The following NDP variants were observed in gnomAD, a reference collection of about 807,000 sequenced individuals.
NDP encodes norrin cystine knot growth factor NDP.
A neutral mutation model predicts 8.4 loss-of-function variants in NDP; 2 were observed. That is an observed-to-expected ratio of 0.24 (90% CI 0.10 to 0.75). The LOEUF (loss-of-function observed/expected upper bound fraction) is 0.75, where lower values mean the gene tolerates loss of function less well. NDP is among the 30% of genes least tolerant of loss of function. The pLI, the probability that NDP is intolerant of heterozygous loss-of-function variation, is 0.73. For missense variants in NDP, 81 were observed against 110.1 expected, an observed-to-expected ratio of 0.74 and a Z score of 1.18; for synonymous variants, 55 against 45.6, an observed-to-expected ratio of 1.21 and a Z score of -0.83.
At chrX:43,963,429 G>A (rs780204930) in intron 1 of NDP, among the ~76,000 whole-genome samples, 1 of 111,639 alleles carries the variant, frequency 9.0e-6, no homozygotes, top group East Asian at 2.8e-4. Context: ...ACCAAGTTAA[G>A]CAAATAAAAT....
chrX:43,966,453 C>T (rs1028673798), intron 1 of NDP: 2 of 111,854 alleles, frequency 1.8e-5, no homozygotes, highest in Admixed American at 9.5e-5. Flanking sequence ...ATTTCACCCA[C>T]TCCCTCCCAG....
chrX:43,972,260 G>T (rs1360714941), intron 1 of NDP, among the ~76,000 whole-genome samples: 1 of 111,440 alleles, frequency 9.0e-6, no homozygotes, highest in African/African-American at 3.3e-5. Flanking sequence ...CAGTAAAGAT[G>T]GGAGTCTGCC....
chrX:43,971,994 C>T (rs188865480), intron 1 of NDP, among the ~76,000 whole-genome samples: 1 of 111,570 alleles, frequency 9.0e-6, no homozygotes, highest in East Asian at 2.8e-4. Context: ...AGCATTGTGC[C>T]GTCCCCGCTG....
rs539065475 is a variant in NDP, at chrX:43,958,134, C to T, written c.174+338G>A. Among the ~76,000 whole-genome samples, 3 of 111,273 alleles carry T rather than the reference C, an allele frequency of 2.7e-5. No individual in the cohort carries two copies. The South Asian group carries it at 1.2e-3, about 43-fold the overall frequency. On this transcript the variant is annotated intron_variant, in intron 2 of 2. Coordinates refer to ENST00000642620, the MANE Select transcript of NDP (RefSeq NM_000266.4). ...TCAATCGCATTCTTTGCATTCTCTT[C>T]CTCTTTATTGATGATGGAGCTAGAG...
intron 2 of NDP, among the ~76,000 whole-genome samples, chrX:43,957,280 C>T (rs1295321001): frequency 3.6e-5 from 4 of 111,163 alleles, no homozygotes; most frequent in Admixed American, 2.9e-4. Flanking sequence ...GTTTTAGTTT[C>T]CCTTTCCTAA....
intron 1 of NDP, among the ~76,000 whole-genome samples, chrX:43,968,785 A>T (rs1484881912): frequency 8.9e-6 from 1 of 112,412 alleles, no homozygotes; most frequent in Non-Finnish European, 1.9e-5. Context: ...AAACCCAAGA[A>T]GTGGTAGTGG....
intron 1 of NDP, among the ~76,000 whole-genome samples, chrX:43,963,678 T>A (rs209766): frequency 2.7e-5 from 3 of 110,430 alleles, no homozygotes; most frequent in Non-Finnish European, 3.8e-5. Flanking sequence ...AGGTCTAATT[T>A]AGAAAGTGTG....
Position 43,961,285 on chromosome X carries a change from A to G in NDP, c.-207-2433T>C, listed in dbSNP as rs760695482. On this transcript the variant is annotated intron_variant, in intron 1 of 2. Transcript: ENST00000642620. ...ATACCTTTTAAAAATGCAAATGTAT[A>G]TAATTTAGACCCAGCAATTCCACTT... Among the ~76,000 whole-genome samples, 5 of 112,801 alleles carry G rather than the reference A, an allele frequency of 4.4e-5. No homozygotes were observed. The South Asian group carries it at 1.8e-3, about 41-fold the overall frequency.
At chrX:43,955,881 T>C (rs2035790150) in intron 2 of NDP, among the ~76,000 whole-genome samples, 2 of 66,612 alleles carry the variant, frequency 3.0e-5, no homozygotes, top group South Asian at 1.2e-3. Context: ...TCACTATTAT[T>C]TATTTTTTCT....
chrX:43,953,297 C>T (rs748727459), intron 2 of NDP: 1 of 112,569 alleles, frequency 8.9e-6, no homozygotes, highest in Non-Finnish European at 1.9e-5. Flanking sequence ...TTAGCTTCTG[C>T]CATGCCTTAC....
At chrX:43,969,812 G>A (rs1214626581) in intron 1 of NDP, among the ~76,000 whole-genome samples, 5 of 111,765 alleles carry the variant, frequency 4.5e-5, no homozygotes, top group African/African-American at 1.6e-4. Context: ...AAAGGAAGGA[G>A]CTCAGGCGAA....
rs1198736007 is a variant in NDP at position 43,959,385 on chromosome X, G to T, written c.-207-533C>A. Among the ~76,000 whole-genome samples the T allele has an allele frequency of 2.0e-4, 22 of 111,553 alleles. No individual in the cohort carries two copies. The Admixed American group carries it at 2.1e-3, about 11-fold the overall frequency. ...CCTAATTTTCCACTTCTGTGCTCTAGGCTCATCCTGTTTTTGTTTTAAGCC... is the reference window on the plus strand; with the variant it reads ...CCTAATTTTCCACTTCTGTGCTCTATGCTCATCCTGTTTTTGTTTTAAGCC... On this transcript the variant is annotated intron_variant, in intron 1 of 2. Coordinates refer to ENST00000642620, the MANE Select transcript of NDP (RefSeq NM_000266.4).
chrX:43,959,378 T>G lies in NDP; in HGVS notation c.-207-526A>C, dbSNP rs755086411. On this transcript the variant is annotated intron_variant, in intron 1 of 2. Transcript: ENST00000642620. ...CCACCCACCTAATTTTCCACTTCTG[T>G]GCTCTAGGCTCATCCTGTTTTTGTT... 2.7e-5 allele frequency among the ~76,000 whole-genome samples: 3 copies of G among 111,853 alleles called. No individual in the cohort carries two copies. The South Asian group carries it at 1.1e-3, about 42-fold the overall frequency.
chrX:43,948,896 G>A lies in NDP; in HGVS notation c.*903C>T, dbSNP rs1367270003. 1 of 112,113 alleles carries A rather than the reference G, an allele frequency of 8.9e-6. No individual in the cohort carries two copies. Among genetic ancestry groups the A allele is most frequent in the Non-Finnish European group, 1.9e-5 (1 of 53,241 alleles). The allele number at this position is 112,113 out of a possible 1,213,427, so 9.2% of individuals were successfully genotyped here. On this transcript the variant is annotated 3_prime_UTR_variant, in exon 3 of 3. Transcript: ENST00000642620. ...AGCCAGGCCACCATTTTGGCAACATGTTTCACATGGACAAGTGGATATTAG... is the reference window on the plus strand; with the variant it reads ...AGCCAGGCCACCATTTTGGCAACATATTTCACATGGACAAGTGGATATTAG...
At chrX:43,955,879 A>AT (rs1257971382) in intron 2 of NDP, among the ~76,000 whole-genome samples, 1 of 66,596 alleles carries the variant, frequency 1.5e-5, no homozygotes. Context: ...TTTCACTATT[A>AT]TTTATTTTTT....
At chrX:43,954,996 C>G (rs209763) in intron 2 of NDP, among the ~76,000 whole-genome samples, 8,889 of 111,045 alleles carry the variant, frequency 0.08, 322 homozygotes, top group Middle Eastern at 0.13. Flanking sequence ...TCATCCCCCT[C>G]CAGCCCCTCC....
chrX:43,948,856 A>C lies in NDP; in HGVS notation c.*943T>G, dbSNP rs1263053380. The C allele has an allele frequency of 8.9e-6, 1 of 112,170 alleles. No individual in the cohort carries two copies. The highest frequency in any genetic ancestry group is 1.9e-5 in the Non-Finnish European group (1 of 53,269). 9.2% of individuals were successfully genotyped at this position (112,170 alleles called of 1,213,427 possible). ...CCAGGACCAAAACACATTTGAACCAAACGTTCAGAAGACAAGCCAGGCCAC... is the reference window on the plus strand; with the variant it reads ...CCAGGACCAAAACACATTTGAACCACACGTTCAGAAGACAAGCCAGGCCAC... On this transcript the variant is annotated 3_prime_UTR_variant, in exon 3 of 3. Coordinates refer to ENST00000642620, the MANE Select transcript of NDP (RefSeq NM_000266.4).
In NDP at chrX:43,958,684, G is replaced by C; in HGVS notation, c.-39C>G. 1 of 1,159,059 alleles carries C rather than the reference G, an allele frequency of 8.6e-7. No individual in the cohort carries two copies. Among genetic ancestry groups the C allele is most frequent in the Non-Finnish European group, 1.2e-6 (1 of 849,065 alleles). On this transcript the variant is annotated 5_prime_UTR_variant, in exon 2 of 3. Coordinates refer to ENST00000642620, the MANE Select transcript of NDP (RefSeq NM_000266.4). ...AACTTCTCTAGAAGAACAGCAGAGG[G>C]AGGCAGAGGACAAAAAATTGGAAAT... is the stretch of plus-strand genomic sequence containing the variant.
At chrX:43,956,916 C>T (rs186688489) in intron 2 of NDP, among the ~76,000 whole-genome samples, 11 of 111,912 alleles carry the variant, frequency 9.8e-5, no homozygotes, top group South Asian at 3.7e-4. Flanking sequence ...CTTTGACCTT[C>T]GCTAGATTAA....
Sources: allele counts gnomAD v4.1 joint callset (sites outside exome capture counted in the v4.1 genomes callset), GRCh38; gene constraint gnomAD v4.1.1; transcripts MANE v1.5; gene names NCBI Gene and HGNC (gene_info 2026-07-23, HGNC 2026-07-21).